The following KDM4B variants were observed in gnomAD, a reference collection of about 807,000 sequenced individuals.
KDM4B encodes lysine demethylase 4B.
KDM4B carries 32 observed loss-of-function variants against 125.2 expected under a neutral mutation model. The ratio of observed to expected loss-of-function variants is 0.26; its 90% CI spans 0.19 to 0.34. KDM4B has a LOEUF of 0.34. Ranked by LOEUF, KDM4B falls within the 10% of genes least tolerant of loss-of-function variation. KDM4B has a pLI of 1.00. For synonymous variants in KDM4B, 721 were observed against 677.9 expected, an observed-to-expected ratio of 1.06 and a Z score of -0.99; for missense variants, 1,190 against 1,577.7, an observed-to-expected ratio of 0.75 and a Z score of 4.16.
intron 5 of KDM4B, among the ~76,000 whole-genome samples, chr19:5,042,196 G>C (rs2036840981): frequency 6.6e-6 from 1 of 152,192 alleles, no homozygotes; most frequent in Admixed American, 6.5e-5. Context: ...GTCTGTTCTT[G>C]CACTGCTATA....
At chr19:5,126,749 C>T (rs538481278) in intron 11 of KDM4B, among the ~76,000 whole-genome samples, 1 of 152,350 alleles carries the variant, frequency 6.6e-6, no homozygotes, top group South Asian at 2.1e-4. Flanking sequence ...GTCAGGCGCA[C>T]CCGGCTGCGG....
chr19:5,038,201 C>T (rs571524228), intron 3 of KDM4B, among the ~76,000 whole-genome samples: 1 of 152,348 alleles, frequency 6.6e-6, no homozygotes, highest in African/African-American at 2.4e-5. Context: ...CCTGCAGTGC[C>T]CACCCCAGGA....
In KDM4B at chr19:5,082,286, A is replaced by G; in HGVS notation, c.781-81A>G. 1 of 1,562,062 alleles carries G rather than the reference A, an allele frequency of 6.4e-7. No homozygotes were observed. The highest frequency in any genetic ancestry group is 8.7e-7 in the Non-Finnish European group (1 of 1,144,984). On this transcript the variant is annotated intron_variant, in intron 8 of 22. Coordinates refer to ENST00000159111, the MANE Select transcript of KDM4B (RefSeq NM_015015.3). The surrounding 1 kb of genome is among the most constrained non-coding windows in gnomAD (Gnocchi z 5.4). ...TGGCTCATAAGCCAGGCTCCCTGGC[A>G]CTTGCTGGGAAGTGCCCACGTCCCA... is the stretch of plus-strand genomic sequence containing the variant.
At chr19:5,037,753 T>C (rs4807681) in intron 3 of KDM4B, among the ~76,000 whole-genome samples, 126,634 of 152,210 alleles carry the variant, frequency 0.83, 53,307 homozygotes, top group Non-Finnish European at 0.91. Flanking sequence ...AGGAGCACCC[T>C]CAGTCGTGAA....
intron 1 of KDM4B, among the ~76,000 whole-genome samples, chr19:4,982,292 CAAA>C (rs761810869): frequency 3.1e-5 from 3 of 96,308 alleles, no homozygotes; most frequent in Admixed American, 2.4e-4. Flanking sequence ...ATTCTGTCTC[CAAA>C]AAAAAAAAAA....
intron 9 of KDM4B, among the ~76,000 whole-genome samples, chr19:5,090,048 C>T (rs113475629): frequency 3.2e-4 from 49 of 152,294 alleles, no homozygotes; most frequent in Admixed American, 1.4e-3. Context: ...ACTGTGAAGA[C>T]CCCCAAAGCC....
intron 6 of KDM4B, among the ~76,000 whole-genome samples, chr19:5,065,732 A>G (rs1337511433): frequency 6.6e-6 from 1 of 152,206 alleles, no homozygotes; most frequent in Non-Finnish European, 1.5e-5. Flanking sequence ...TTCCGGCTCC[A>G]GCTCCGGCTC....
chr19:4,995,982 A>G (rs2035187500), intron 1 of KDM4B, among the ~76,000 whole-genome samples: 1 of 151,862 alleles, frequency 6.6e-6, no homozygotes, highest in Non-Finnish European at 1.5e-5. Context: ...ATGAGCACTT[A>G]CTTTTCTCTC....
intron 15 of KDM4B, among the ~76,000 whole-genome samples, chr19:5,136,424 T>TG (rs2039649899): frequency 6.6e-6 from 1 of 152,166 alleles, no homozygotes; most frequent in African/African-American, 2.4e-5. Context: ...TCTGTGCCCC[T>TG]GGCAGCCATA....
intron 2 of KDM4B, among the ~76,000 whole-genome samples, chr19:5,019,803 G>A (rs1183154911): frequency 2.7e-5 from 4 of 146,030 alleles, no homozygotes; most frequent in Non-Finnish European, 4.5e-5. Flanking sequence ...GGACGTTGGT[G>A]TGCAGGTGCT....
chr19:5,071,806 G>A (rs778203845), intron 7 of KDM4B, among the ~76,000 whole-genome samples: 1 of 152,220 alleles, frequency 6.6e-6, no homozygotes, highest in Non-Finnish European at 1.5e-5. Flanking sequence ...CACAACAGGG[G>A]TGCAAGTTTC....
intron 9 of KDM4B, among the ~76,000 whole-genome samples, chr19:5,096,492 A>G (rs2038825686): frequency 6.6e-6 from 1 of 151,994 alleles, no homozygotes; most frequent in Admixed American, 6.5e-5. Flanking sequence ...GGCTTGGGCA[A>G]CCCCTGGGGT....
chr19:5,125,400 G>A (rs2039431549), intron 11 of KDM4B, among the ~76,000 whole-genome samples: 1 of 152,144 alleles, frequency 6.6e-6, no homozygotes, highest in African/African-American at 2.4e-5. Context: ...CTGGCTGGAT[G>A]GGCGGCTTTC....
chr19:5,096,807 G>A (rs982426647), intron 9 of KDM4B, among the ~76,000 whole-genome samples: 7 of 150,952 alleles, frequency 4.6e-5, no homozygotes, highest in African/African-American at 1.2e-4. Flanking sequence ...GGTGTCCCGC[G>A]GTGCCCCCGG....
chr19:5,096,375 G>A (rs533765112), intron 9 of KDM4B, among the ~76,000 whole-genome samples: 2 of 152,270 alleles, frequency 1.3e-5, no homozygotes, highest in African/African-American at 4.8e-5. Context: ...GTGAGCCACC[G>A]CGCCTGGCCA....
At chr19:4,999,240 G>A (rs1334651100) in intron 1 of KDM4B, among the ~76,000 whole-genome samples, 1 of 152,168 alleles carries the variant, frequency 6.6e-6, no homozygotes, top group Non-Finnish European at 1.5e-5. Context: ...TTTGTTCAAT[G>A]GGTTATAATC....
chr19:5,024,804 T>C (rs2036228877), intron 2 of KDM4B, among the ~76,000 whole-genome samples: 1 of 152,030 alleles, frequency 6.6e-6, no homozygotes. Context: ...AAAAATTAGC[T>C]GGACATGGTG....
intron 6 of KDM4B, among the ~76,000 whole-genome samples, chr19:5,057,000 A>G (rs2037420743): frequency 6.6e-6 from 1 of 152,032 alleles, no homozygotes; most frequent in South Asian, 2.1e-4. Context: ...AGAAACGGAC[A>G]TAAAGCATGT....
rs546134703 is a variant in KDM4B at position 5,126,881 on chromosome 19, C to A, written c.1316-4195C>A. ...TGAGGGAGGGGCCCCATAAGCCAGG[C>A]CGAAGCTGGTGAGTTGATCTCGGCA... On this transcript the variant is annotated intron_variant, in intron 11 of 22. Transcript: ENST00000159111. 6.8e-4 allele frequency among the ~76,000 whole-genome samples: 103 copies of A among 152,346 alleles called. 1 individual carries two copies. The highest frequency in any genetic ancestry group is 5.9e-3 in the Admixed American group (91 of 15,310).
Sources: allele counts gnomAD v4.1 joint callset (sites outside exome capture counted in the v4.1 genomes callset), GRCh38; gene constraint gnomAD v4.1.1; non-coding constraint Gnocchi (gnomAD v3.1); transcripts MANE v1.5; gene names NCBI Gene and HGNC (gene_info 2026-07-23, HGNC 2026-07-21).